Variants in ZNF776 observed in about 807,000 individuals in gnomAD.
ZNF776 encodes zinc finger protein 776.
In ZNF776, 4 loss-of-function variants were observed where a neutral mutation model predicts 7.0. That is an observed-to-expected ratio of 0.57 (90% CI 0.28 to 1.31). ZNF776 has a LOEUF of 1.31. ZNF776 is among the 50% of genes most tolerant of loss of function. The pLI is 0.10. For missense variants in ZNF776, 555 were observed against 625.9 expected (o/e 0.89, Z 1.21); for synonymous variants, 212 against 213.7 (o/e 0.99, Z 0.07).
chr19:57,749,790 G>A (rs1568474836), intron 1 of ZNF776, among the ~76,000 whole-genome samples: 1 of 152,114 alleles, frequency 6.6e-6, no homozygotes, highest in Non-Finnish European at 1.5e-5. Flanking sequence ...TAAGGGATTC[G>A]GGGGTCATCA....
chr19:57,753,188 C>T lies in ZNF776; in HGVS notation c.161-103C>T, dbSNP rs1986656582. ...CTATATAAAAGGATATGTCTAGGCC[C>T]AAGTAAATATAAGTACAACAAAGCA... On this transcript the variant is annotated intron_variant, in intron 2 of 2. Coordinates refer to ENST00000317178, the MANE Select transcript of ZNF776 (RefSeq NM_173632.4). 6 of 1,122,554 alleles carry T rather than the reference C, an allele frequency of 5.3e-6. No individual in the cohort carries two copies. In the East Asian group the frequency reaches 9.4e-5, roughly 18 times the overall value. 69.5% of individuals were successfully genotyped at this position (1,122,554 alleles called of 1,614,324 possible).
rs1248263619 is a variant in ZNF776, at chr19:57,753,530, A to AAG, written c.401_402dup (p.Gln135SerfsTer19). Reference sequence around the variant, plus strand: ...CGATGCAAACCATCATCAAGACCAGAAGCAGCACATTGGAGAGAAATCGTA... The same window carrying AAG: ...CGATGCAAACCATCATCAAGACCAGAAGAGCAGCACATTGGAGAGAAATCGTA... On this transcript the variant is annotated frameshift_variant, in exon 3 of 3. Coordinates refer to ENST00000317178, the MANE Select transcript of ZNF776 (RefSeq NM_173632.4). LOFTEE classifies it low-confidence loss of function (END_TRUNC). 1.2e-6 allele frequency: 2 copies of AAG among 1,614,140 alleles called. No individual in the cohort carries two copies. The highest frequency in any genetic ancestry group is 2.7e-5 in the African/African-American group (2 of 74,942).
At chr19:57,752,167 G>A (rs1449169376) in intron 2 of ZNF776, among the ~76,000 whole-genome samples, 1 of 152,076 alleles carries the variant, frequency 6.6e-6, no homozygotes, top group African/African-American at 2.4e-5. Context: ...ACCGTGCCCG[G>A]CCTCATTTGT....
At chr19:57,750,213 C>T (rs1244628531) in intron 1 of ZNF776, among the ~76,000 whole-genome samples, 5 of 150,252 alleles carry the variant, frequency 3.3e-5, no homozygotes, top group South Asian at 2.1e-4. Context: ...CACTTGAGCT[C>T]AGGATTTCGA....
In ZNF776 at chr19:57,753,759, G is replaced by A; in HGVS notation, c.629G>A (p.Cys210Tyr). The A allele has an allele frequency of 6.2e-7, 1 of 1,614,234 alleles. No individual in the cohort carries two copies. Among genetic ancestry groups the A allele is most frequent in the South Asian group, 1.1e-5 (1 of 91,088 alleles). ...PLQGGKTHYI[C>Y]GESTIPFSNK... ...CAGGGTGGAAAAACTCATTACATCTGTGGAGAGTCCACAATACCGTTTAGC... is the reference window on the plus strand; with the variant it reads ...CAGGGTGGAAAAACTCATTACATCTATGGAGAGTCCACAATACCGTTTAGC... The change falls in exon 3 of 3, where the codon TGT becomes TAT. Residue 210 changes from cysteine (C) to tyrosine (Y), a missense_variant. Transcript: ENST00000317178.
Position 57,754,129 on chromosome 19 carries a change from C to T in ZNF776, c.999C>T (p.Arg333=). The change falls in exon 3 of 3, where the codon CGC becomes CGT. Residue 333 remains arginine, a synonymous_variant. Transcript: ENST00000317178. ...DECGKSFSHK[R]SLVHHQRVHT... is the part of the protein sequence containing the mutation. Reference sequence around the variant, plus strand: ...GTGGGAAATCTTTTAGCCATAAGCGCAGCCTTGTTCACCACCAGCGAGTTC... The same window carrying T: ...GTGGGAAATCTTTTAGCCATAAGCGTAGCCTTGTTCACCACCAGCGAGTTC... 1 of 1,614,040 alleles carries T rather than the reference C, an allele frequency of 6.2e-7. No individual in the cohort carries two copies. The highest frequency in any genetic ancestry group is 8.5e-7 in the Non-Finnish European group (1 of 1,179,962).
intron 1 of ZNF776, among the ~76,000 whole-genome samples, 175 bp from the exon 2 acceptor site, chr19:57,750,610 C>T (rs1986571204): frequency 6.6e-6 from 1 of 152,158 alleles, no homozygotes; most frequent in Non-Finnish European, 1.5e-5. Flanking sequence ...TTGTTTCACC[C>T]ACTTCTTGTG....
At position 57,753,727 on chromosome 19, in the gene ZNF776, A is replaced by G. The variant is rs754472948; in HGVS notation, c.597A>G (p.Ile199Met). 4 of 1,614,094 alleles carry G rather than the reference A, an allele frequency of 2.5e-6. No homozygotes were observed. The highest frequency in any genetic ancestry group is 3.4e-6 in the Non-Finnish European group (4 of 1,180,048). Reference sequence around the variant, plus strand: ...CAAACTTTGAAACTAAGCATGGGATACCCCTTCAGGGTGGAAAAACTCATT... The same window carrying G: ...CAAACTTTGAAACTAAGCATGGGATGCCCCTTCAGGGTGGAAAAACTCATT... ...GKSNFETKHGIPLQGGKTHYI... is the reference protein window; with the variant it reads ...GKSNFETKHGMPLQGGKTHYI... The change falls in exon 3 of 3, where the codon ATA becomes ATG. Residue 199 changes from isoleucine (I) to methionine (M), a missense_variant. Transcript: ENST00000317178.
intron 2 of ZNF776, 126 bp downstream of exon 2, chr19:57,751,037 G>A (rs1986588113): frequency 4.2e-6 from 5 of 1,189,526 alleles, no homozygotes; most frequent in Non-Finnish European, 5.7e-6. Flanking sequence ...TTAGTTCCCT[G>A]GGTAGGTTCT....
At position 57,753,482 on chromosome 19, in the gene ZNF776, G is replaced by A. The variant is rs983660752; in HGVS notation, c.352G>A (p.Ala118Thr). The A allele has an allele frequency of 6.2e-6, 10 of 1,614,132 alleles. No individual in the cohort carries two copies. The African/African-American group carries it at 8.0e-5, about 13-fold the overall frequency. ...CAATCAGAAATTGAATGGGTTTGGG[G>A]CATATGAAAAAAAATTGGATGACGA... Reference protein sequence around the residue: ...QHNQKLNGFGAYEKKLDDDAN... With the variant: ...QHNQKLNGFGTYEKKLDDDAN... The change falls in exon 3 of 3, where the codon GCA becomes ACA. Residue 118 changes from alanine (A) to threonine (T), a missense_variant. Physicochemically the swap from Ala to Thr is moderately conservative, Grantham distance 58 (BLOSUM62 0). Transcript: ENST00000317178.
At chr19:57,752,334 T>C (rs901741967) in intron 2 of ZNF776, among the ~76,000 whole-genome samples, 1 of 152,214 alleles carries the variant, frequency 6.6e-6, no homozygotes, top group African/African-American at 2.4e-5. Context: ...TTAGTTTTCT[T>C]TCCTATGGGC....
chr19:57,751,046 C>T, intron 2 of ZNF776, 135 bp downstream of exon 2: 1 of 1,072,584 alleles, frequency 9.3e-7, no homozygotes, highest in South Asian at 1.8e-5. Context: ...TGGGTAGGTT[C>T]TATGTGGTAT....
chr19:57,753,658 C>G lies in ZNF776; in HGVS notation c.528C>G (p.Ser176Arg), dbSNP rs181594464. 6.2e-7 allele frequency: 1 copy of G among 1,614,118 alleles called. No homozygotes were observed. Among genetic ancestry groups the G allele is most frequent in the Non-Finnish European group, 8.5e-7 (1 of 1,180,008 alleles). Reference protein sequence around the residue: ...FHEVGKDFLSSLRLLQQEDIH... With the variant: ...FHEVGKDFLSRLRLLQQEDIH... ...AGGTTGGGAAAGACTTTTTGTCCAGCTTGAGATTACTCCAACAAGAGGACA... is the reference window on the plus strand; with the variant it reads ...AGGTTGGGAAAGACTTTTTGTCCAGGTTGAGATTACTCCAACAAGAGGACA... Residue 176 changes from serine (S) to arginine (R), a missense_variant, in exon 3 of 3, where the codon AGC becomes AGG. Ser to Arg is a moderately radical substitution (Grantham distance 110). Transcript: ENST00000317178.
In ZNF776 at chr19:57,753,567, C is replaced by G. The variant is rs2122519477; in HGVS notation, c.437C>G (p.Ala146Gly). ...HIGEKSYRSN[A>G]KGTSFVKNCK... ...GGAGAGAAATCGTACAGAAGCAATG[C>G]CAAGGGAACATCTTTTGTAAAGAAC... The change falls in exon 3 of 3, where the codon GCC (alanine) becomes GGC (glycine). Residue 146 changes from alanine to glycine, a missense_variant. Coordinates refer to ENST00000317178, the MANE Select transcript of ZNF776 (RefSeq NM_173632.4). The G allele has an allele frequency of 6.2e-7, 1 of 1,614,222 alleles. No homozygotes were observed. The highest frequency in any genetic ancestry group is 1.1e-5 in the South Asian group (1 of 91,092).
In ZNF776 at chr19:57,750,898, T is replaced by TA; in HGVS notation, c.148dup (p.Ile50AsnfsTer17). ...ACGTGATGCTGGAGAACCTGACACT[T>TA]ATATCTTCTCTAGGTAAGGCACTCA... On this transcript the variant is annotated frameshift_variant, in exon 2 of 3. Coordinates refer to ENST00000317178, the MANE Select transcript of ZNF776 (RefSeq NM_173632.4). LOFTEE classifies it low-confidence loss of function (END_TRUNC). The TA allele has an allele frequency of 6.2e-7, 1 of 1,610,182 alleles. No homozygotes were observed. Among genetic ancestry groups the TA allele is most frequent in the East Asian group, 2.2e-5 (1 of 44,706 alleles).
chr19:57,753,754 C>T lies in ZNF776; in HGVS notation c.624C>T (p.Tyr208=), dbSNP rs375841912. The change falls in exon 3 of 3, where the codon TAC becomes TAT. Residue 208 remains tyrosine, a synonymous_variant. Transcript: ENST00000317178. ...GIPLQGGKTH[Y]ICGESTIPFS... is the part of the protein sequence containing the mutation. ...CCCTTCAGGGTGGAAAAACTCATTA[C>T]ATCTGTGGAGAGTCCACAATACCGT... is the stretch of plus-strand genomic sequence containing the variant. The T allele has an allele frequency of 3.1e-6, 5 of 1,614,138 alleles. No individual in the cohort carries two copies. The highest frequency in any genetic ancestry group is 1.7e-5 in the Admixed American group (1 of 60,008).
intron 2 of ZNF776, 64 bp from the exon 3 acceptor site, chr19:57,753,227 T>C (rs765735844): frequency 6.7e-7 from 1 of 1,483,034 alleles, no homozygotes; most frequent in African/African-American, 1.4e-5. Flanking sequence ...GTTGATCAGG[T>C]ATGGCTTAGT....
chr19:57,747,162 G>A, intron 1 of ZNF776, 71 bp downstream of exon 1: 1 of 1,496,510 alleles, frequency 6.7e-7, no homozygotes, highest in Non-Finnish European at 9.0e-7. Flanking sequence ...AGAGGAAGCG[G>A]CGCCTGCTCA....
At position 57,754,024 on chromosome 19, in the gene ZNF776, T is replaced by C. The variant is rs1358602636; in HGVS notation, c.894T>C (p.Asp298=). Reference sequence around the variant, plus strand: ...GACCTTATGAGTGTGGAGAATGTGATAAATCTTTTAGTCATAAGCACAGTC... The same window carrying C: ...GACCTTATGAGTGTGGAGAATGTGACAAATCTTTTAGTCATAAGCACAGTC... The part of the protein sequence containing the change: ...GERPYECGEC[D]KSFSHKHSLV... Residue 298 remains aspartate (D), a synonymous_variant, in exon 3 of 3, where the codon GAT becomes GAC. Coordinates refer to ENST00000317178, the MANE Select transcript of ZNF776 (RefSeq NM_173632.4). 6.2e-7 allele frequency: 1 copy of C among 1,604,068 alleles called. No individual in the cohort carries two copies. The highest frequency in any genetic ancestry group is 1.4e-5 in the African/African-American group (1 of 71,456).
Sources: allele counts gnomAD v4.1 joint callset (sites outside exome capture counted in the v4.1 genomes callset), GRCh38; gene constraint gnomAD v4.1.1; transcripts MANE v1.5; gene names NCBI Gene and HGNC (gene_info 2026-07-23, HGNC 2026-07-21).